DPH6: variants seen among roughly 807,000 people sequenced by gnomAD.
DPH6 encodes diphthamine biosynthesis 6.
In DPH6, 33 loss-of-function variants were observed where a neutral mutation model predicts 38.2. That is an observed-to-expected ratio of 0.86 (90% CI 0.65 to 1.15). The LOEUF (loss-of-function observed/expected upper bound fraction) is 1.15, where lower values mean the gene tolerates loss of function less well. DPH6 is among the 50% of genes most tolerant of loss of function. The pLI is 0.00. For synonymous variants in DPH6, 108 were observed against 103.0 expected (o/e 1.05, Z -0.30); for missense variants, 325 against 320.0 (o/e 1.02, Z -0.12).
the DPH6 span, among the ~76,000 whole-genome samples, chr15:35,149,287 G>C: frequency 0.031 from 4,731 of 152,160 alleles, 242 homozygotes; most frequent in African/African-American, 0.11. Context: ...ACCAGGGCTG[G>C]AGTTCAGTGG....
intron 3 of DPH6, among the ~76,000 whole-genome samples, chr15:35,281,083 T>C (rs964198235): frequency 1.3e-5 from 2 of 152,110 alleles, no homozygotes; most frequent in East Asian, 3.8e-4. Context: ...TAGGTATATC[T>C]CCTAATGCTA....
intron 3 of DPH6, among the ~76,000 whole-genome samples, chr15:35,351,433 C>A (rs2052509715): frequency 1.3e-5 from 2 of 152,126 alleles, no homozygotes; most frequent in Non-Finnish European, 2.9e-5. Context: ...TTAGGACTTA[C>A]TCTTGCCATT....
chr15:35,330,191 T>G (rs1284777265), downstream of DPH6, among the ~76,000 whole-genome samples: 1 of 152,178 alleles, frequency 6.6e-6, no homozygotes, highest in African/African-American at 2.4e-5. Context: ...TTCTTTATCA[T>G]TCCGTATTCA....
chr15:35,326,524 T>C (rs540907189), downstream of DPH6, among the ~76,000 whole-genome samples: 4 of 152,132 alleles, frequency 2.6e-5, no homozygotes, highest in East Asian at 1.9e-4. Context: ...CTCAACCTCC[T>C]AGGTTCAAGC....
chr15:35,365,871 C>A (rs1351697381), intron 3 of DPH6: 1 of 984,820 alleles, frequency 1.0e-6, no homozygotes, highest in East Asian at 1.1e-4. Flanking sequence ...CAGCCCAGCA[C>A]CCATTCAAGC....
At chr15:35,386,112 CT>C (rs1276437085) in intron 6 of DPH6, among the ~76,000 whole-genome samples, 1 of 152,012 alleles carries the variant, frequency 6.6e-6, no homozygotes, top group East Asian at 1.9e-4. Context: ...GTTTTTTGTC[CT>C]TGTGATAGTT....
At chr15:35,429,209 T>C (rs1022652065) in intron 5 of DPH6, among the ~76,000 whole-genome samples, 4 of 152,168 alleles carry the variant, frequency 2.6e-5, no homozygotes, top group African/African-American at 9.6e-5. Flanking sequence ...AGCCACAATG[T>C]ACCACAGACA....
At chr15:35,467,543 GCA>G (rs2054142536) in intron 3 of DPH6, among the ~76,000 whole-genome samples, 1 of 152,186 alleles carries the variant, frequency 6.6e-6, no homozygotes. Context: ...TCCAGCCTTG[GCA>G]ACAGGGTGAG....
At chr15:35,176,411 C>T in the DPH6 span, among the ~76,000 whole-genome samples, 9 of 151,650 alleles carry the variant, frequency 5.9e-5, no homozygotes, top group Non-Finnish European at 7.4e-5. Context: ...TAACTTTTAT[C>T]TTTTATCTTC....
chr15:35,301,208 A>G (rs560015340), intron 3 of DPH6, among the ~76,000 whole-genome samples: 1 of 152,346 alleles, frequency 6.6e-6, no homozygotes, highest in South Asian at 2.1e-4. Flanking sequence ...ACATATTTTA[A>G]TAGGTAACCA....
exon 4 of DPH6, chr15:35,219,274 G>A (rs2051428182): frequency 6.6e-6 from 1 of 152,112 alleles, no homozygotes; most frequent in Non-Finnish European, 1.5e-5. Context: ...CTTGGCAAAG[G>A]AACAAGTTTA....
At chr15:35,310,269 A>T (rs1373452609) in intron 3 of DPH6, among the ~76,000 whole-genome samples, 5 of 152,168 alleles carry the variant, frequency 3.3e-5, no homozygotes, top group African/African-American at 1.2e-4. Context: ...CTGTCCTCTA[A>T]CCAGGCTCCG....
chr15:35,256,022 A>G (rs2051706071), intron 3 of DPH6, among the ~76,000 whole-genome samples: 1 of 151,976 alleles, frequency 6.6e-6, no homozygotes, highest in Non-Finnish European at 1.5e-5. Context: ...ACACCTATAT[A>G]ACATATATAA....
intron 3 of DPH6, among the ~76,000 whole-genome samples, chr15:35,360,248 G>A (rs1291816591): frequency 6.6e-6 from 1 of 152,144 alleles, no homozygotes; most frequent in Non-Finnish European, 1.5e-5. Flanking sequence ...GTCTCACATG[G>A]ATGCTGCTGG....
chr15:35,242,240 T>A (rs1415569250), intron 3 of DPH6, among the ~76,000 whole-genome samples: 1 of 143,178 alleles, frequency 7.0e-6, no homozygotes, highest in African/African-American at 2.5e-5. Context: ...GTGCTCTCCC[T>A]GCTGATCGTG....
intron 6 of DPH6, among the ~76,000 whole-genome samples, chr15:35,392,200 C>A (rs1165436997): frequency 6.6e-6 from 1 of 152,096 alleles, no homozygotes; most frequent in Non-Finnish European, 1.5e-5. Context: ...TTACATGAAT[C>A]TATTTTCTTT....
At position 35,426,153 on chromosome 15, in the gene DPH6, A is replaced by C. The variant is rs371252062; in HGVS notation, c.506-15257T>G. ...AAGTTGAAAATGGTAGATAATTTACAACACATGTTGGGAGTTTTGAAAGTT... is the reference window on the plus strand; with the variant it reads ...AAGTTGAAAATGGTAGATAATTTACCACACATGTTGGGAGTTTTGAAAGTT... On this transcript the variant is annotated intron_variant, in intron 5 of 8. Transcript: ENST00000256538. 8.6e-5 allele frequency among the ~76,000 whole-genome samples: 13 copies of C among 151,646 alleles called. 2 individuals carry two copies. Among genetic ancestry groups the C allele is most frequent in the Admixed American group, 2.0e-4 (3 of 15,208 alleles).
At chr15:35,387,704 C>CAAAA (rs1173379292) in intron 6 of DPH6, among the ~76,000 whole-genome samples, 15 of 152,250 alleles carry the variant, frequency 9.9e-5, no homozygotes, top group African/African-American at 3.6e-4. Context: ...TATCCTGAGA[C>CAAAA]TTTGCTGAAG....
downstream of DPH6, among the ~76,000 whole-genome samples, chr15:35,213,693 A>G (rs2051397717): frequency 6.6e-6 from 1 of 152,138 alleles, no homozygotes; most frequent in South Asian, 2.1e-4. Flanking sequence ...TCTCACCTGG[A>G]CCCCAATTAC....
Sources: allele counts gnomAD v4.1 joint callset (sites outside exome capture counted in the v4.1 genomes callset), GRCh38; gene constraint gnomAD v4.1.1; transcripts MANE v1.5; gene names NCBI Gene and HGNC (gene_info 2026-07-23, HGNC 2026-07-21).